HIP1: variants seen among roughly 807,000 people sequenced by gnomAD.
HIP1 encodes the protein huntingtin-interacting protein 1.
Under a neutral mutation model 147.6 loss-of-function variants are expected in HIP1, and 65 were observed. The ratio of observed to expected loss-of-function variants is 0.44; its 90% CI spans 0.36 to 0.54. The LOEUF is 0.54. Ranked by LOEUF, HIP1 falls within the 20% of genes least tolerant of loss-of-function variation. The probability of loss-of-function intolerance (pLI) is 0.00; values close to 1 mark genes in which losing one functional copy is unlikely to be tolerated. For missense variants in HIP1, 1,061 were observed against 1,299.6 expected (o/e 0.82, Z 2.82); for synonymous variants, 479 against 504.0 (o/e 0.95, Z 0.67).
At chr7:75,609,688 G>A (rs1448723684) in intron 1 of HIP1, among the ~76,000 whole-genome samples, 1 of 151,846 alleles carries the variant, frequency 6.6e-6, no homozygotes, top group Non-Finnish European at 1.5e-5. Context: ...CTCCTGAGTA[G>A]CTGGGACTAC....
chr7:75,697,907 C>A (rs1289141336), intron 1 of HIP1, among the ~76,000 whole-genome samples: 1 of 152,198 alleles, frequency 6.6e-6, no homozygotes, highest in South Asian at 2.1e-4. Context: ...GCTGAGATAA[C>A]AAATTCCATA....
chr7:75,712,642 T>G (rs1331284115), intron 1 of HIP1, among the ~76,000 whole-genome samples: 1 of 152,098 alleles, frequency 6.6e-6, no homozygotes, highest in East Asian at 1.9e-4. Flanking sequence ...ACTCTCTCAT[T>G]TACTCCCTCA....
intron 1 of HIP1, among the ~76,000 whole-genome samples, chr7:75,609,379 T>G (rs1699692877): frequency 6.6e-6 from 1 of 152,080 alleles, no homozygotes; most frequent in Non-Finnish European, 1.5e-5. Context: ...GAATGTCAGA[T>G]ACTGAGGGGT....
At chr7:75,682,566 C>G (rs1470892713) in intron 1 of HIP1, among the ~76,000 whole-genome samples, 1 of 134,102 alleles carries the variant, frequency 7.5e-6, no homozygotes, top group African/African-American at 2.9e-5. Context: ...GGCCAACATC[C>G]TCATTTTACA....
chr7:75,556,686 C>CT, intron 17 of HIP1, 24 bp downstream of exon 17: 1 of 1,102,658 alleles, frequency 9.1e-7, no homozygotes, highest in Non-Finnish European at 1.3e-6. Context: ...ACTCTATCTC[C>CT]AAAAAAAAAA....
intron 1 of HIP1, among the ~76,000 whole-genome samples, chr7:75,616,482 A>T (rs1419524893): frequency 6.6e-6 from 1 of 152,110 alleles, no homozygotes; most frequent in African/African-American, 2.4e-5. Context: ...TTTGTTGCCC[A>T]GGCTGGTCTT....
chr7:75,599,985 G>T (rs1182995773), intron 1 of HIP1, among the ~76,000 whole-genome samples: 1 of 146,138 alleles, frequency 6.8e-6, no homozygotes, highest in Non-Finnish European at 1.5e-5. Flanking sequence ...ACAGGCACCC[G>T]CCATCAAACC....
intron 1 of HIP1, among the ~76,000 whole-genome samples, chr7:75,701,201 C>T (rs1563301894): frequency 6.6e-6 from 1 of 152,090 alleles, no homozygotes; most frequent in Non-Finnish European, 1.5e-5. Flanking sequence ...CCAGACCAGC[C>T]TGGCCAACAT....
At chr7:75,727,224 C>T (rs1801677602) in intron 1 of HIP1, among the ~76,000 whole-genome samples, 1 of 152,030 alleles carries the variant, frequency 6.6e-6, no homozygotes, top group Non-Finnish European at 1.5e-5. Flanking sequence ...GCATCAGTCT[C>T]CTAGGCCGAG....
intron 25 of HIP1, 94 bp from the exon 26 acceptor site, chr7:75,545,282 T>C (rs1411271525): frequency 1.7e-5 from 13 of 757,242 alleles, no homozygotes; most frequent in Non-Finnish European, 2.5e-5. Context: ...ATCATCCTCA[T>C]AGTAACTCTG....
chr7:75,538,617 C>T (rs1347680075), intron 30 of HIP1, among the ~76,000 whole-genome samples: 1 of 148,916 alleles, frequency 6.7e-6, no homozygotes, highest in Non-Finnish European at 1.5e-5. Context: ...CTCTGTTGCC[C>T]AGGCTGGAGT....
intron 1 of HIP1, among the ~76,000 whole-genome samples, chr7:75,637,042 A>C (rs559198544): frequency 1.3e-5 from 2 of 151,718 alleles, no homozygotes; most frequent in African/African-American, 4.8e-5. Context: ...TGAACTCTGC[A>C]CTCCAGTCCC....
intron 1 of HIP1, among the ~76,000 whole-genome samples, chr7:75,629,188 T>C (rs1798133943): frequency 6.6e-6 from 1 of 152,190 alleles, no homozygotes; most frequent in Non-Finnish European, 1.5e-5. Context: ...ACACTTATCC[T>C]GGTACCAGTG....
chr7:75,667,367 A>G (rs1382461512), intron 1 of HIP1, among the ~76,000 whole-genome samples: 1 of 152,224 alleles, frequency 6.6e-6, no homozygotes, highest in African/African-American at 2.4e-5. Context: ...ATTTCCTTAT[A>G]TAAATATAGG....
intron 4 of HIP1, among the ~76,000 whole-genome samples, chr7:75,590,137 G>A (rs1554500483): frequency 1.3e-5 from 2 of 152,140 alleles, no homozygotes; most frequent in African/African-American, 2.4e-5. Flanking sequence ...AGTGATCTCA[G>A]ATGAAAGGTC....
Position 75,568,086 on chromosome 7 carries a change from G to T in HIP1, c.803+113C>A. On this transcript the variant is annotated intron_variant, in intron 9 of 30. Transcript: ENST00000336926. The surrounding 1 kb of genome is among the most constrained non-coding windows in gnomAD (Gnocchi z 4.1). ...CCGCCTCAGCCTCCCAAAGAGTTGGGGTTACAGGCATGAACCACTGTGTCC... is the reference window on the plus strand; with the variant it reads ...CCGCCTCAGCCTCCCAAAGAGTTGGTGTTACAGGCATGAACCACTGTGTCC... 1.3e-6 allele frequency: 1 copy of T among 781,404 alleles called. No individual in the cohort carries two copies. Among genetic ancestry groups the T allele is most frequent in the Admixed American group, 1.9e-5 (1 of 51,346 alleles). 48.4% of individuals were successfully genotyped at this position (781,404 alleles called of 1,614,324 possible).
intron 1 of HIP1, among the ~76,000 whole-genome samples, chr7:75,717,878 T>A (rs1054540606): frequency 1.3e-5 from 2 of 150,546 alleles, no homozygotes; most frequent in Admixed American, 1.3e-4. Flanking sequence ...GGCTGAGGCA[T>A]GAGAATTGCT....
chr7:75,611,848 A>G, intron 1 of HIP1: 5 of 1,023,786 alleles, frequency 4.9e-6, no homozygotes, highest in African/African-American at 3.4e-5. Context: ...AATTACCAGC[A>G]GGCACCGCAG....
intron 1 of HIP1, among the ~76,000 whole-genome samples, chr7:75,638,205 G>A (rs1798509756): frequency 6.6e-6 from 1 of 151,872 alleles, no homozygotes; most frequent in Admixed American, 6.6e-5. Flanking sequence ...TCTCCATTCA[G>A]AGTGACAGCC....
Sources: allele counts gnomAD v4.1 joint callset (sites outside exome capture counted in the v4.1 genomes callset), GRCh38; gene constraint gnomAD v4.1.1; non-coding constraint Gnocchi (gnomAD v3.1); transcripts MANE v1.5; gene names NCBI Gene and HGNC (gene_info 2026-07-23, HGNC 2026-07-21).